Variants in MGLL observed in about 807,000 individuals in gnomAD.
The protein encoded by MGLL is monoglyceride lipase.
MGLL carries 7 observed loss-of-function variants against 29.1 expected under a neutral mutation model. The observed-to-expected ratio is 0.24, with a 90% CI of 0.14 to 0.45. The LOEUF is 0.45. MGLL is among the 20% of genes least tolerant of loss of function. The probability of loss-of-function intolerance (pLI) is 0.99; values close to 1 mark genes in which losing one functional copy is unlikely to be tolerated. For missense variants in MGLL, 356 were observed against 413.6 expected (o/e 0.86, Z 1.21); for synonymous variants, 148 against 168.3 (o/e 0.88, Z 0.93).
chr3:127,777,678 C>CAATGGCT, intron 3 of MGLL, among the ~76,000 whole-genome samples: 1 of 125,732 alleles, frequency 8.0e-6, no homozygotes, highest in East Asian at 2.1e-4. Flanking sequence ...ACTGATGGTG[C>CAATGGCT]CATGGAGTCC....
intron 3 of MGLL, among the ~76,000 whole-genome samples, chr3:127,738,303 T>TA (rs34420386): frequency 0.022 from 3,105 of 141,132 alleles, 61 homozygotes; most frequent in African/African-American, 0.054. Flanking sequence ...TCTGTCTCTT[T>TA]AAAAAAAAAA....
At chr3:127,776,885 T>C (rs2077045362) in intron 3 of MGLL, among the ~76,000 whole-genome samples, 1 of 152,102 alleles carries the variant, frequency 6.6e-6, no homozygotes, top group Non-Finnish European at 1.5e-5. Context: ...TATGCAAAGA[T>C]GATGAGAAGG....
intron 6 of MGLL, among the ~76,000 whole-genome samples, chr3:127,704,082 C>A (rs1434130659): frequency 7.2e-5 from 11 of 152,196 alleles, no homozygotes; most frequent in Non-Finnish European, 1.6e-4. Context: ...TGCATATCTA[C>A]AACCATCTGA....
intron 5 of MGLL, among the ~76,000 whole-genome samples, chr3:127,717,308 G>A (rs1479497296): frequency 6.6e-6 from 1 of 152,194 alleles, no homozygotes; most frequent in Non-Finnish European, 1.5e-5. Flanking sequence ...AGATGGGAGT[G>A]GGCTCCATTA....
intron 5 of MGLL, among the ~76,000 whole-genome samples, chr3:127,714,607 C>T (rs959982518): frequency 6.6e-6 from 1 of 151,286 alleles, no homozygotes; most frequent in African/African-American, 2.4e-5. Context: ...ATTCTGCAGA[C>T]TTTTCCCAGT....
intron 3 of MGLL, among the ~76,000 whole-genome samples, chr3:127,755,372 A>G (rs1299565582): frequency 6.6e-6 from 1 of 152,206 alleles, no homozygotes; most frequent in Non-Finnish European, 1.5e-5. Flanking sequence ...TCTCCCACCC[A>G]GCCTGCCTTC....
chr3:127,793,324 T>A (rs1025604912), intron 2 of MGLL, among the ~76,000 whole-genome samples: 1 of 152,200 alleles, frequency 6.6e-6, no homozygotes, highest in Non-Finnish European at 1.5e-5. Flanking sequence ...AAATCCCCAA[T>A]TGGCATAAAT....
intron 3 of MGLL, among the ~76,000 whole-genome samples, chr3:127,769,592 G>A (rs2076915887): frequency 6.6e-6 from 1 of 152,204 alleles, no homozygotes; most frequent in Non-Finnish European, 1.5e-5. Flanking sequence ...CAGAGCTGAG[G>A]TCTTCTCCAG....
At chr3:127,700,539 C>A (rs914152716) in intron 6 of MGLL, among the ~76,000 whole-genome samples, 7 of 152,208 alleles carry the variant, frequency 4.6e-5, no homozygotes, top group Admixed American at 1.3e-4. Flanking sequence ...AGGGTCAGGG[C>A]TCTGTCTGTC....
chr3:127,735,872 A>G (rs2076233460), intron 3 of MGLL: 3 of 1,583,582 alleles, frequency 1.9e-6, no homozygotes, highest in Non-Finnish European at 2.6e-6. Flanking sequence ...TCCCACTTAC[A>G]AGGATTTTCT....
intron 3 of MGLL, among the ~76,000 whole-genome samples, chr3:127,774,030 A>G (rs948318932): frequency 6.6e-6 from 1 of 152,140 alleles, no homozygotes; most frequent in Non-Finnish European, 1.5e-5. Context: ...CACACATCAC[A>G]GTATACTGCT....
chr3:127,727,759 T>G (rs2076075131), intron 3 of MGLL, among the ~76,000 whole-genome samples: 1 of 151,960 alleles, frequency 6.6e-6, no homozygotes, highest in South Asian at 2.1e-4. Flanking sequence ...TCTAAAGTTT[T>G]CTCTTACCTT....
At chr3:127,694,286 A>AAAATATAT (rs1174705130) in intron 7 of MGLL, among the ~76,000 whole-genome samples, 3 of 97,902 alleles carry the variant, frequency 3.1e-5, no homozygotes, top group East Asian at 3.1e-4. Context: ...AAAAAAAAAA[A>AAAATATAT]ATATATATAT....
At chr3:127,812,537 C>T (rs2077681561) in intron 2 of MGLL, among the ~76,000 whole-genome samples, 1 of 152,198 alleles carries the variant, frequency 6.6e-6, no homozygotes, top group Non-Finnish European at 1.5e-5. Flanking sequence ...AGCAGTCAGG[C>T]TGGAATCTGT....
At position 127,735,809 on chromosome 3, in the gene MGLL, T is replaced by C. The variant is rs529173797; in HGVS notation, c.263-13243A>G. Reference sequence around the variant, plus strand: ...AAAATGTATAAATTCTGGCATTCTCTTGGTGCTCGCATCCTTCCAGGGGAA... The same window carrying C: ...AAAATGTATAAATTCTGGCATTCTCCTGGTGCTCGCATCCTTCCAGGGGAA... On this transcript the variant is annotated intron_variant, in intron 3 of 7. Transcript: ENST00000265052. 264 of 1,598,430 alleles carry C rather than the reference T, an allele frequency of 1.7e-4. 7 individuals are homozygous for C. The highest frequency in any genetic ancestry group is 1.4e-3 in the South Asian group (130 of 91,076).
chr3:127,809,363 C>T (rs1051572151), intron 2 of MGLL, among the ~76,000 whole-genome samples: 2 of 152,138 alleles, frequency 1.3e-5, no homozygotes, highest in African/African-American at 4.8e-5. Flanking sequence ...TGGTGGCTCA[C>T]ACCTGGAATA....
At chr3:127,775,361 A>G (rs1576271917) in intron 3 of MGLL, among the ~76,000 whole-genome samples, 1 of 152,236 alleles carries the variant, frequency 6.6e-6, no homozygotes, top group East Asian at 1.9e-4. Context: ...CTTACAAGAA[A>G]TAAAATAAAC....
intron 6 of MGLL, among the ~76,000 whole-genome samples, chr3:127,700,786 T>A (rs1363124393): frequency 6.6e-6 from 1 of 152,170 alleles, no homozygotes; most frequent in Non-Finnish European, 1.5e-5. Context: ...CCCTTGTCAT[T>A]TCATTCAGTG....
intron 3 of MGLL, among the ~76,000 whole-genome samples, chr3:127,734,831 GGA>G (rs1487234718): frequency 6.6e-6 from 1 of 152,244 alleles, no homozygotes; most frequent in Non-Finnish European, 1.5e-5. Flanking sequence ...CTGAGGCTCT[GGA>G]GAGATGGGAG....
Sources: gnomAD v4.1 joint callset for allele counts (sites outside exome capture counted in the v4.1 genomes callset) on GRCh38, gnomAD v4.1.1 for gene constraint, MANE v1.5 for transcripts, NCBI Gene and HGNC (gene_info 2026-07-23, HGNC 2026-07-21) for gene names.